The following ARHGEF2 variants were observed in gnomAD, a reference collection of about 807,000 sequenced individuals.
ARHGEF2 encodes the protein rho guanine nucleotide exchange factor 2.
ARHGEF2 carries 22 observed loss-of-function variants against 121.0 expected under a neutral mutation model. The ratio of observed to expected loss-of-function variants is 0.18; its 90% CI spans 0.13 to 0.26. ARHGEF2 has a LOEUF of 0.26. Ranked by LOEUF, ARHGEF2 falls within the 10% of genes least tolerant of loss-of-function variation. ARHGEF2 has a pLI of 1.00. For missense variants in ARHGEF2, 907 were observed against 1,336.0 expected, an observed-to-expected ratio of 0.68 and a Z score of 5.01; for synonymous variants, 487 against 530.0, an observed-to-expected ratio of 0.92 and a Z score of 1.11.
chr1:155,951,939 C>T lies in ARHGEF2; in HGVS notation c.2152G>A (p.Asp718Asn). ...CCTACCCTCTGGCTAGAGTCTGAGT[C>T]AGCTCTGCAGAGTTCAATGGAGCCA... The part of the protein sequence containing the change: ...FNGSIELCRA[D>N]SDSSQRDRNG... The change falls in exon 17 of 22, where the codon GAC (aspartate) becomes AAC (asparagine). Residue 718 changes from aspartate to asparagine, a missense_variant. Asp to Asn is a conservative substitution (Grantham distance 23). This residue lies in a region of ARHGEF2 where 432 missense variants were observed against 559.5 expected (regional missense o/e 0.77). Coordinates refer to ENST00000361247, the MANE Select transcript of ARHGEF2 (RefSeq NM_001162383.2). The surrounding 1 kb of genome is among the most constrained non-coding windows in gnomAD (Gnocchi z 5.1). 2 of 1,614,136 alleles carry T rather than the reference C, an allele frequency of 1.2e-6. No individual in the cohort carries two copies. Among genetic ancestry groups the T allele is most frequent in the Non-Finnish European group, 1.7e-6 (2 of 1,180,022 alleles).
intron 14 of ARHGEF2, among the ~76,000 whole-genome samples, chr1:155,954,572 G>A (rs1676275337): frequency 2.1e-5 from 3 of 145,014 alleles, no homozygotes; most frequent in East Asian, 2.0e-4. Context: ...ACAGGCGTGA[G>A]CCACCGCGCC....
intron 16 of ARHGEF2, 36 bp from the exon 17 acceptor site, chr1:155,952,022 T>C: frequency 6.2e-7 from 1 of 1,614,072 alleles, no homozygotes; most frequent in Non-Finnish European, 8.5e-7. Context: ...TGAGCTCACT[T>C]CCCTGGGGCC....
Position 155,962,622 on chromosome 1 carries a change from G to A in ARHGEF2, c.1072C>T (p.Arg358Ter). 1.2e-6 allele frequency: 2 copies of A among 1,614,064 alleles called. No individual in the cohort carries two copies. Among genetic ancestry groups the A allele is most frequent in the Non-Finnish European group, 1.7e-6 (2 of 1,180,030 alleles). ...ALKLYKELYARDKRFQQFIRK... is the reference protein window; with the variant it reads ...ALKLYKELYA ...ATGAATTGCTGGAAGCGTTTGTCTC[G>A]GGCGTACAGCTCCTTATAGAGCTTT... is the stretch of plus-strand genomic sequence containing the variant. Residue 358 changes from arginine to a stop codon, truncating the protein, a stop_gained, in exon 9 of 22, where the codon CGA becomes TGA. Transcript: ENST00000361247. LOFTEE classifies it high-confidence loss of function. The surrounding 1 kb of genome is among the most constrained non-coding windows in gnomAD (Gnocchi z 5.8).
intron 13 of ARHGEF2, among the ~76,000 whole-genome samples, chr1:155,955,939 C>T (rs1261397106): frequency 6.6e-6 from 1 of 152,028 alleles, no homozygotes; most frequent in African/African-American, 2.4e-5. Context: ...TGGTCTCGAA[C>T]TCCAGTGGTC....
intron 1 of ARHGEF2, among the ~76,000 whole-genome samples, chr1:155,971,841 A>T (rs1374069589): frequency 1.3e-5 from 2 of 151,662 alleles, no homozygotes; most frequent in Non-Finnish European, 2.9e-5. Context: ...TGAGGCCAGG[A>T]GTTTGAGAAC....
intron 1 of ARHGEF2, chr1:155,970,950 C>T: frequency 1.0e-6 from 1 of 986,566 alleles, no homozygotes. Context: ...TTCGCATCCT[C>T]CTCCTGTCTC....
chr1:155,970,382 G>T (rs1411169170), intron 1 of ARHGEF2: 10 of 985,314 alleles, frequency 1.0e-5, no homozygotes, highest in Non-Finnish European at 1.2e-5. Context: ...GCCTGAGAAG[G>T]TGAGAAGAGG....
At position 155,950,402 on chromosome 1, in the gene ARHGEF2, C is replaced by G. The variant is rs756174687; in HGVS notation, c.2784G>C (p.Gln928His). Residue 928 changes from glutamine (Q) to histidine (H), a missense_variant, in exon 21 of 22, where the codon CAG (glutamine) becomes CAC (histidine). Physicochemically the swap from Gln to His is conservative, Grantham distance 24. Transcript: ENST00000361247. This position sits in a 1 kb window ranked among gnomAD's most constrained non-coding sequence, Gnocchi z 5.2. The stretch of plus-strand genomic sequence containing the variant: ...GCCGCTCTTCGGGGCTCCCCAGTTC[C>G]TGCCTCTCTCGGTCCTCAAAGTTTC... ...VHRNFEDRER[Q>H]ELGSPEERLQ... 7.4e-6 allele frequency: 12 copies of G among 1,614,038 alleles called. No homozygotes were observed. The South Asian group carries it at 1.3e-4, about 18-fold the overall frequency.
In ARHGEF2 at chr1:155,951,352, G is replaced by A; in HGVS notation, c.2260-80C>T. Reference sequence around the variant, plus strand: ...CCTCGCCTTCACCCTCCAAGGCCCAGATCATCGCTCCTGGAGAGCTTGGAT... The same window carrying A: ...CCTCGCCTTCACCCTCCAAGGCCCAAATCATCGCTCCTGGAGAGCTTGGAT... On this transcript the variant is annotated intron_variant, in intron 19 of 21. Coordinates refer to ENST00000361247, the MANE Select transcript of ARHGEF2 (RefSeq NM_001162383.2). The surrounding 1 kb of genome is among the most constrained non-coding windows in gnomAD (Gnocchi z 5.1). 1 of 1,566,366 alleles carries A rather than the reference G, an allele frequency of 6.4e-7. No homozygotes were observed.
intron 13 of ARHGEF2, among the ~76,000 whole-genome samples, chr1:155,956,487 A>T (rs1438017262): frequency 6.6e-6 from 1 of 152,154 alleles, no homozygotes; most frequent in Non-Finnish European, 1.5e-5. Context: ...TTTACAAATT[A>T]TAAAGTTGAG....
chr1:155,975,540 G>A (rs1415962354), intron 1 of ARHGEF2, among the ~76,000 whole-genome samples: 1 of 151,734 alleles, frequency 6.6e-6, no homozygotes, highest in Admixed American at 6.6e-5. Flanking sequence ...TATGTCCCCA[G>A]AAGCCTCAGC....
chr1:155,952,967 G>GA, intron 14 of ARHGEF2, 139 bp from the exon 15 acceptor site: 1 of 804,936 alleles, frequency 1.2e-6, no homozygotes, highest in Non-Finnish European at 2.0e-6. Flanking sequence ...TTATAAAAAA[G>GA]AAAAAGCTTT....
chr1:155,969,684 G>A (rs926399222), intron 1 of ARHGEF2: 60 of 1,023,446 alleles, frequency 5.9e-5, no homozygotes, highest in Admixed American at 1.1e-4. Context: ...GCGCAGAGAG[G>A]AGGGGAGAGC....
At chr1:155,964,187 T>C (rs1246882811) in intron 7 of ARHGEF2, among the ~76,000 whole-genome samples, 3 of 126,104 alleles carry the variant, frequency 2.4e-5, no homozygotes, top group African/African-American at 1.0e-4. Context: ...TATATATATA[T>C]ATATATATAT....
At chr1:155,977,910 G>T (rs1681594048) in intron 1 of ARHGEF2, among the ~76,000 whole-genome samples, 1 of 152,188 alleles carries the variant, frequency 6.6e-6, no homozygotes, top group African/African-American at 2.4e-5. Context: ...CGGATGGCGG[G>T]GACAAAGGGG....
intron 11 of ARHGEF2, among the ~76,000 whole-genome samples, chr1:155,959,648 G>A (rs941182054): frequency 1.1e-4 from 16 of 152,120 alleles, no homozygotes; most frequent in African/African-American, 3.1e-4. Context: ...GAGTTCAAGC[G>A]ATTCTCATGC....
rs35419780 is a variant in ARHGEF2 at position 155,961,533 on chromosome 1, C to T, written c.1468+128G>A. ...TCGTGATCCGCCCGCCTCGGCCTCC[C>T]TAAGTGCTGGGATTACAGGCGTTGA... On this transcript the variant is annotated intron_variant, in intron 11 of 21. Transcript: ENST00000361247. The surrounding 1 kb of genome is among the most constrained non-coding windows in gnomAD (Gnocchi z 4.7). 2 of 1,369,610 alleles carry T rather than the reference C, an allele frequency of 1.5e-6. No individual in the cohort carries two copies. Among genetic ancestry groups the T allele is most frequent in the Non-Finnish European group, 2.0e-6 (2 of 1,007,732 alleles). The allele number at this position is 1,369,610 out of a possible 1,614,324, so 84.8% of individuals were successfully genotyped here.
At position 155,954,914 on chromosome 1, in the gene ARHGEF2, G is replaced by A. The variant is rs1676361754; in HGVS notation, c.1771C>T (p.Arg591Trp). Residue 591 changes from arginine (R) to tryptophan (W), a missense_variant, in exon 14 of 22, where the codon CGG (arginine) becomes TGG (tryptophan). Arg to Trp is a moderately radical substitution (Grantham distance 101). This residue lies in a region of ARHGEF2 where 432 missense variants were observed against 559.5 expected (regional missense o/e 0.77). Coordinates refer to ENST00000361247, the MANE Select transcript of ARHGEF2 (RefSeq NM_001162383.2). The stretch of plus-strand genomic sequence containing the variant: ...TGGGTGGACTTACTCTTAATTCGCC[G>A]CAGGTAAGCCTCATCCTCTGTCTCA... ...LIETEDEAYL[R>W]RIKMELQQKD... is the part of the protein sequence containing the mutation. 3 of 1,610,814 alleles carry A rather than the reference G, an allele frequency of 1.9e-6. No individual in the cohort carries two copies. The highest frequency in any genetic ancestry group is 2.5e-6 in the Non-Finnish European group (3 of 1,178,548).
At chr1:155,963,268 G>A (rs1457726214) in intron 7 of ARHGEF2, 85 bp from the exon 8 acceptor site, 12 of 1,417,844 alleles carry the variant, frequency 8.5e-6, no homozygotes, top group East Asian at 2.3e-5. Context: ...CACAGTTCAC[G>A]TGAGGTTTTC....
Sources: gnomAD v4.1 joint callset for allele counts (sites outside exome capture counted in the v4.1 genomes callset) on GRCh38, gnomAD v4.1.1 for gene constraint, gnomAD v4.1.1 regional missense constraint, Gnocchi (gnomAD v3.1) non-coding constraint, MANE v1.5 for transcripts, NCBI Gene and HGNC (gene_info 2026-07-23, HGNC 2026-07-21) for gene names.